RNF144A: variants seen among roughly 807,000 people sequenced by gnomAD.
RNF144A encodes E3 ubiquitin-protein ligase RNF144A.
RNF144A carries 11 observed loss-of-function variants against 38.7 expected under a neutral mutation model. That is an observed-to-expected ratio of 0.28 (90% CI 0.18 to 0.47). RNF144A has a LOEUF of 0.47. Among genes scored for constraint, RNF144A ranks in the 20% least tolerant of loss-of-function variants. The pLI, the probability that RNF144A is intolerant of heterozygous loss-of-function variation, is 0.99. For missense variants in RNF144A, 316 were observed against 377.2 expected, an observed-to-expected ratio of 0.84 and a Z score of 1.34; for synonymous variants, 149 against 143.9, an observed-to-expected ratio of 1.04 and a Z score of -0.25.
At chr2:6,974,964 G>T (rs373429447) in intron 2 of RNF144A, among the ~76,000 whole-genome samples, 3 of 152,054 alleles carry the variant, frequency 2.0e-5, no homozygotes, top group Non-Finnish European at 4.4e-5. Flanking sequence ...GGTTATAACC[G>T]GAAAAGAAGT....
chr2:6,976,166 G>C (rs1482708167), intron 2 of RNF144A, among the ~76,000 whole-genome samples: 4 of 152,130 alleles, frequency 2.6e-5, no homozygotes, highest in African/African-American at 9.7e-5. Flanking sequence ...TAAATCTTTG[G>C]TAGATATATT....
In RNF144A at chr2:7,043,954, T is replaced by C. The variant is rs1318870198; in HGVS notation, c.*4194T>C. 4 of 985,796 alleles carry C rather than the reference T, an allele frequency of 4.1e-6. No individual in the cohort carries two copies. In the East Asian group the frequency reaches 4.5e-4, roughly 112 times the overall value. 61.1% of individuals were successfully genotyped at this position (985,796 alleles called of 1,614,324 possible). A position where few individuals can be genotyped will look rare whatever the true frequency, so the allele number is the denominator to read the frequency against. ...AATCAAAACAGATTTGATTTGTGTT[T>C]TTGAAATGTCAGTACATTTTGTGCC... On this transcript the variant is annotated 3_prime_UTR_variant, in exon 9 of 9. Coordinates refer to ENST00000320892, the MANE Select transcript of RNF144A (RefSeq NM_014746.6).
intron 6 of RNF144A, among the ~76,000 whole-genome samples, chr2:7,067,899 G>A (rs1477970488): frequency 6.6e-6 from 1 of 152,086 alleles, no homozygotes; most frequent in Non-Finnish European, 1.5e-5. Flanking sequence ...GTTTCTCATT[G>A]TCCATCATCC....
intron 1 of RNF144A, among the ~76,000 whole-genome samples, chr2:6,930,503 C>CCA (rs1161580469): frequency 6.6e-6 from 1 of 151,754 alleles, no homozygotes; most frequent in Admixed American, 6.6e-5. Flanking sequence ...CACATGCTCA[C>CCA]CACACACACA....
At chr2:7,053,723 A>T (rs1673616529) in intron 6 of RNF144A, among the ~76,000 whole-genome samples, 1 of 152,246 alleles carries the variant, frequency 6.6e-6, no homozygotes, top group Admixed American at 6.5e-5. Flanking sequence ...TGTAAGGTAC[A>T]TGGATATGCT....
At chr2:6,978,196 G>A (rs1342894269) in intron 2 of RNF144A, among the ~76,000 whole-genome samples, 1 of 152,164 alleles carries the variant, frequency 6.6e-6, no homozygotes, top group African/African-American at 2.4e-5. Context: ...CTCCTAACAG[G>A]ACTTTATGTG....
intron 6 of RNF144A, among the ~76,000 whole-genome samples, chr2:7,065,179 T>TA (rs1421525681): frequency 6.6e-6 from 1 of 152,234 alleles, no homozygotes. Flanking sequence ...TTATTCTTCT[T>TA]AAAACTGTTC....
intron 2 of RNF144A, among the ~76,000 whole-genome samples, chr2:6,990,135 A>G (rs995354783): frequency 4.6e-5 from 7 of 152,090 alleles, no homozygotes; most frequent in Admixed American, 3.9e-4. Flanking sequence ...AACAACAGAA[A>G]TTTATTTTCT....
intron 1 of RNF144A, among the ~76,000 whole-genome samples, chr2:6,936,524 C>G (rs1665594895): frequency 6.6e-6 from 1 of 152,092 alleles, no homozygotes; most frequent in South Asian, 2.1e-4. Flanking sequence ...TATTTTAGAG[C>G]CTTTATTTAA....
chr2:7,076,296 T>A, the RNF144A span, among the ~76,000 whole-genome samples: 467 of 152,376 alleles, frequency 3.1e-3, no homozygotes, highest in African/African-American at 0.011. Flanking sequence ...CTTACTTTAC[T>A]AGAAATTATT....
downstream of RNF144A, among the ~76,000 whole-genome samples, chr2:7,071,769 A>C (rs757869155): frequency 1.2e-4 from 18 of 152,240 alleles, no homozygotes; most frequent in Non-Finnish European, 1.9e-4. Context: ...ACAGTCATCT[A>C]GGTGTTGCTC....
At chr2:6,921,750 C>T (rs1024183296) in intron 1 of RNF144A, among the ~76,000 whole-genome samples, 7 of 152,158 alleles carry the variant, frequency 4.6e-5, no homozygotes, top group Admixed American at 1.3e-4. Flanking sequence ...GGATCAGCCC[C>T]GGGTGGCAGG....
At chr2:7,054,679 T>A (rs1407884435) in intron 6 of RNF144A, among the ~76,000 whole-genome samples, 1 of 152,136 alleles carries the variant, frequency 6.6e-6, no homozygotes, top group Non-Finnish European at 1.5e-5. Flanking sequence ...CCTTCCGTCT[T>A]TTCCACCATG....
At chr2:7,069,499 T>C (rs1674375010), downstream of RNF144A, among the ~76,000 whole-genome samples, 1 of 152,192 alleles carries the variant, frequency 6.6e-6, no homozygotes, top group Admixed American at 6.5e-5. Context: ...CCATCCCCTG[T>C]CTCTTTGTTG....
At chr2:6,980,772 G>A (rs1668580350) in intron 2 of RNF144A, among the ~76,000 whole-genome samples, 1 of 152,252 alleles carries the variant, frequency 6.6e-6, no homozygotes, top group Admixed American at 6.5e-5. Flanking sequence ...GGGACTCAGT[G>A]TGGGGGCTCT....
At chr2:7,002,598 A>C (rs1365848163) in intron 3 of RNF144A, among the ~76,000 whole-genome samples, 2 of 152,204 alleles carry the variant, frequency 1.3e-5, no homozygotes, top group African/African-American at 4.8e-5. Flanking sequence ...TACTAGTCTA[A>C]AGCTCAGCAG....
At chr2:7,075,210 C>G in the RNF144A span, among the ~76,000 whole-genome samples, 9 of 152,056 alleles carry the variant, frequency 5.9e-5, no homozygotes, top group African/African-American at 2.2e-4. Flanking sequence ...CCAGAATCAT[C>G]AGGAGGCATC....
chr2:7,020,389 C>G, intron 5 of RNF144A, 84 bp from the exon 6 acceptor site: 2 of 1,203,396 alleles, frequency 1.7e-6, no homozygotes, highest in Non-Finnish European at 2.4e-6. Context: ...CCTCCCTGTC[C>G]GTGCACTGAG....
intron 2 of RNF144A, among the ~76,000 whole-genome samples, chr2:6,990,236 C>T (rs1170700625): frequency 6.6e-6 from 1 of 152,020 alleles, no homozygotes; most frequent in Non-Finnish European, 1.5e-5. Context: ...AGGCTGCCTT[C>T]TTGCTGTGTC....
Sources: gnomAD v4.1 joint callset for allele counts (sites outside exome capture counted in the v4.1 genomes callset) on GRCh38, gnomAD v4.1.1 for gene constraint, MANE v1.5 for transcripts, NCBI Gene and HGNC (gene_info 2026-07-23, HGNC 2026-07-21) for gene names.